The following MGMT variants were observed in gnomAD, a reference collection of about 807,000 sequenced individuals.
MGMT encodes methylated-DNA--protein-cysteine methyltransferase.
A neutral mutation model predicts 15.9 loss-of-function variants in MGMT; 14 were observed. The observed-to-expected ratio is 0.88, with a 90% CI of 0.58 to 1.37. The LOEUF (loss-of-function observed/expected upper bound fraction) is 1.37. MGMT is among the 40% of genes most tolerant of loss of function. The probability of loss-of-function intolerance (pLI) is 0.00; values close to 1 mark genes in which losing one functional copy is unlikely to be tolerated. For synonymous variants in MGMT, 130 were observed against 118.2 expected (o/e 1.10, Z -0.65); for missense variants, 282 against 268.1 (o/e 1.05, Z -0.36).
intron 1 of MGMT, among the ~76,000 whole-genome samples, chr10:129,524,405 C>T (rs547022015): frequency 3.3e-5 from 5 of 152,222 alleles, no homozygotes; most frequent in South Asian, 2.1e-4. Flanking sequence ...TGCCATGCAC[C>T]GTGCGTGTAC....
intron 1 of MGMT, among the ~76,000 whole-genome samples, chr10:129,510,995 C>G (rs111366197): frequency 0.065 from 9,368 of 144,034 alleles, 1,069 homozygotes; most frequent in African/African-American, 0.23. Flanking sequence ...GTATACCGTC[C>G]GCAGCCAGAC....
In MGMT at chr10:129,499,470, CTGT is replaced by C. The variant is rs556486058; in HGVS notation, c.-13+32179_-13+32181del. Among the ~76,000 whole-genome samples the C allele has an allele frequency of 1.0e-3, 156 of 152,356 alleles. 1 individual carries two copies. In the South Asian group the frequency reaches 0.031, roughly 30 times the overall value. On this transcript the variant is annotated intron_variant, in intron 1 of 4. Transcript: ENST00000651593. ...AAAATAAAGCAAGGAAGACCCTCTA[CTGT>C]TGTTATGTGAAGAATAACAATTACC... is the stretch of plus-strand genomic sequence containing the variant.
chr10:129,741,319 C>T lies in MGMT; in HGVS notation c.275-17883C>T, dbSNP rs151031872. 3.4e-3 allele frequency among the ~76,000 whole-genome samples: 516 copies of T among 152,330 alleles called. 3 individuals carry two copies. Among genetic ancestry groups the T allele is most frequent in the African/African-American group, 0.011 (455 of 41,578 alleles). ...CCTGTATTTTTGAAAAATGTTAACT[C>T]TCCCTAAAAGGTTACATTGAACGGC... On this transcript the variant is annotated intron_variant, in intron 3 of 4. Coordinates refer to ENST00000651593, the MANE Select transcript of MGMT (RefSeq NM_002412.5).
At chr10:129,676,050 GC>G (rs1290163278) in intron 2 of MGMT, among the ~76,000 whole-genome samples, 1 of 152,136 alleles carries the variant, frequency 6.6e-6, no homozygotes, top group East Asian at 1.9e-4. Flanking sequence ...GAGGGAAGGG[GC>G]TCCATTGGCT....
chr10:129,684,702 A>C (rs1369544187), intron 2 of MGMT, among the ~76,000 whole-genome samples: 1 of 152,240 alleles, frequency 6.6e-6, no homozygotes, highest in East Asian at 1.9e-4. Context: ...AGACATCCAC[A>C]GGAAAGGAGG....
intron 2 of MGMT, among the ~76,000 whole-genome samples, chr10:129,571,535 CAAG>C (rs1272930658): frequency 6.6e-6 from 1 of 152,124 alleles, no homozygotes; most frequent in Non-Finnish European, 1.5e-5. Context: ...GAGGAAAAAT[CAAG>C]GAGGCAATCT....
At chr10:129,718,288 C>T (rs1336195985) in intron 3 of MGMT, among the ~76,000 whole-genome samples, 6 of 152,200 alleles carry the variant, frequency 3.9e-5, no homozygotes, top group African/African-American at 7.2e-5. Context: ...AAGGCAGTGG[C>T]GCTTCGGGCT....
chr10:129,608,316 C>T (rs1846917133), intron 2 of MGMT, among the ~76,000 whole-genome samples: 2 of 152,246 alleles, frequency 1.3e-5, no homozygotes, highest in African/African-American at 2.4e-5. Context: ...TGAAGTTAGT[C>T]ATCGAGTTAG....
intron 2 of MGMT, among the ~76,000 whole-genome samples, chr10:129,588,420 A>G (rs1244301246): frequency 6.6e-6 from 1 of 152,210 alleles, no homozygotes; most frequent in Non-Finnish European, 1.5e-5. Flanking sequence ...TACCGTATGC[A>G]TCTTCTTGCA....
At chr10:129,564,773 T>C (rs1404893749) in intron 2 of MGMT, among the ~76,000 whole-genome samples, 1 of 150,420 alleles carries the variant, frequency 6.6e-6, no homozygotes, top group East Asian at 2.0e-4. Flanking sequence ...GCTGTATTCC[T>C]TCCTCACACG....
At chr10:129,624,461 G>A (rs902869190) in intron 2 of MGMT, among the ~76,000 whole-genome samples, 2 of 152,200 alleles carry the variant, frequency 1.3e-5, no homozygotes, top group African/African-American at 4.8e-5. Context: ...CTTTCCTGCT[G>A]TAAAGGGATT....
At chr10:129,538,618 T>C (rs775689514) in intron 2 of MGMT, among the ~76,000 whole-genome samples, 2 of 152,118 alleles carry the variant, frequency 1.3e-5, no homozygotes, top group Non-Finnish European at 2.9e-5. Context: ...AAATATCTAC[T>C]CAAGTCTTTT....
intron 1 of MGMT, among the ~76,000 whole-genome samples, chr10:129,486,902 A>G (rs974104458): frequency 1.3e-5 from 2 of 152,222 alleles, no homozygotes; most frequent in Non-Finnish European, 2.9e-5. Flanking sequence ...CAACACTGTC[A>G]TTAATGCCTC....
intron 2 of MGMT, among the ~76,000 whole-genome samples, chr10:129,683,594 A>T (rs1236409825): frequency 1.3e-5 from 2 of 152,152 alleles, no homozygotes; most frequent in African/African-American, 4.8e-5. Flanking sequence ...TATTGACAGT[A>T]ATATATTTTA....
chr10:129,631,503 G>A (rs953768721), intron 2 of MGMT, among the ~76,000 whole-genome samples: 5 of 152,186 alleles, frequency 3.3e-5, no homozygotes, highest in African/African-American at 1.2e-4. Flanking sequence ...GGTATACATG[G>A]TCAGTGTTGA....
At chr10:129,749,350 G>T (rs1848728855) in intron 3 of MGMT, among the ~76,000 whole-genome samples, 1 of 152,022 alleles carries the variant, frequency 6.6e-6, no homozygotes, top group Non-Finnish European at 1.5e-5. Flanking sequence ...ATATAGTTTT[G>T]CTTCTTCCAG....
intron 2 of MGMT, among the ~76,000 whole-genome samples, chr10:129,581,278 G>A (rs181585206): frequency 4.6e-5 from 7 of 152,198 alleles, no homozygotes; most frequent in Non-Finnish European, 8.8e-5. Flanking sequence ...CTGCAGTGGC[G>A]TGACTGGGCT....
intron 2 of MGMT, among the ~76,000 whole-genome samples, chr10:129,632,413 G>T (rs1400135755): frequency 6.6e-6 from 1 of 152,170 alleles, no homozygotes; most frequent in East Asian, 1.9e-4. Flanking sequence ...GGTCACAAGG[G>T]AAGAACTGGG....
chr10:129,578,426 T>C (rs1846512687), intron 2 of MGMT, among the ~76,000 whole-genome samples: 5 of 150,746 alleles, frequency 3.3e-5, no homozygotes, highest in South Asian at 2.1e-4. Flanking sequence ...AGCAAACTAT[T>C]GCAAGGACAA....
Sources: gnomAD v4.1 joint callset for allele counts (sites outside exome capture counted in the v4.1 genomes callset) on GRCh38, gnomAD v4.1.1 for gene constraint, MANE v1.5 for transcripts, NCBI Gene and HGNC (gene_info 2026-07-23, HGNC 2026-07-21) for gene names.